CERS6: variants seen among roughly 807,000 people sequenced by gnomAD.
The protein encoded by CERS6 is LAG1 homolog, ceramide synthase 6.
Under a neutral mutation model 56.8 loss-of-function variants are expected in CERS6, and 26 were observed. The observed-to-expected ratio is 0.46, with a 90% CI of 0.34 to 0.63. The LOEUF is 0.63. Among genes scored for constraint, CERS6 ranks in the 30% least tolerant of loss-of-function variants. The pLI is 0.01. For missense variants in CERS6, 415 were observed against 467.5 expected, an observed-to-expected ratio of 0.89 and a Z score of 1.04; for synonymous variants, 164 against 173.3, an observed-to-expected ratio of 0.95 and a Z score of 0.42.
At chr2:168,543,212 C>G (rs1468711715) in intron 1 of CERS6, among the ~76,000 whole-genome samples, 1 of 152,136 alleles carries the variant, frequency 6.6e-6, no homozygotes, top group Non-Finnish European at 1.5e-5. Context: ...AAATATAGTA[C>G]ATGAAAGTAC....
rs576734784 is a variant in CERS6 at position 168,649,923 on chromosome 2, T to C, written c.465+18881T>C. ...GCCCCTCAAGGATGGTTCCTGGATA[T>C]CAATACTCTATAAATAGTTGAACTA... On this transcript the variant is annotated intron_variant, in intron 4 of 9. Transcript: ENST00000305747. Among the ~76,000 whole-genome samples the C allele has an allele frequency of 8.8e-4, 134 of 152,274 alleles. 2 individuals carry two copies. Among genetic ancestry groups the C allele is most frequent in the African/African-American group, 2.8e-3 (116 of 41,532 alleles).
chr2:168,465,259 A>G (rs1403149895), intron 1 of CERS6, among the ~76,000 whole-genome samples: 1 of 152,230 alleles, frequency 6.6e-6, no homozygotes. Context: ...ACAGTTTTGG[A>G]GGCTGGAGAG....
At chr2:168,620,354 C>G (rs2105283365) in intron 3 of CERS6, among the ~76,000 whole-genome samples, 1 of 152,048 alleles carries the variant, frequency 6.6e-6, no homozygotes, top group South Asian at 2.1e-4. Flanking sequence ...GCACCAAAGT[C>G]TCACAAATTA....
intron 8 of CERS6, among the ~76,000 whole-genome samples, chr2:168,732,350 A>G (rs551094809): frequency 5.3e-5 from 8 of 152,256 alleles, no homozygotes; most frequent in Admixed American, 4.6e-4. Flanking sequence ...AGTCCCTTGC[A>G]CCTGGTGCTG....
chr2:168,672,033 G>A (rs1407776391), intron 4 of CERS6, among the ~76,000 whole-genome samples: 1 of 152,196 alleles, frequency 6.6e-6, no homozygotes, highest in African/African-American at 2.4e-5. Flanking sequence ...CAAAGTTGAT[G>A]GAACAGTGTG....
At chr2:168,493,825 T>C (rs1256597900) in intron 1 of CERS6, among the ~76,000 whole-genome samples, 2 of 150,256 alleles carry the variant, frequency 1.3e-5, no homozygotes, top group Non-Finnish European at 3.0e-5. Context: ...CAGATTAATG[T>C]AATATATTAA....
At chr2:168,541,304 T>A (rs1487815962) in intron 1 of CERS6, among the ~76,000 whole-genome samples, 1 of 152,206 alleles carries the variant, frequency 6.6e-6, no homozygotes, top group African/African-American at 2.4e-5. Context: ...GCCCAGACTA[T>A]AACAGTATGT....
At chr2:168,649,725 C>G (rs977508026) in intron 4 of CERS6, among the ~76,000 whole-genome samples, 1 of 152,086 alleles carries the variant, frequency 6.6e-6, no homozygotes, top group Non-Finnish European at 1.5e-5. Flanking sequence ...TTACACAAGT[C>G]TTTGTTCACA....
At chr2:168,490,969 A>T (rs926371797) in intron 1 of CERS6, among the ~76,000 whole-genome samples, 3 of 152,122 alleles carry the variant, frequency 2.0e-5, no homozygotes, top group Non-Finnish European at 2.9e-5. Flanking sequence ...GTTTTGTGAG[A>T]TGTACTTTGT....
intron 4 of CERS6, among the ~76,000 whole-genome samples, chr2:168,663,593 T>A (rs1290532946): frequency 6.6e-6 from 1 of 152,164 alleles, no homozygotes; most frequent in African/African-American, 2.4e-5. Context: ...TTTTGAAAAC[T>A]AAAATTGGGT....
chr2:168,632,513 A>G lies in CERS6; in HGVS notation c.465+1471A>G, dbSNP rs575150422. On this transcript the variant is annotated intron_variant, in intron 4 of 9. Coordinates refer to ENST00000305747, the MANE Select transcript of CERS6 (RefSeq NM_203463.3). ...GCACTTATTTTCACTTAATAAGACC[A>G]TATGGCCCAGAGGCCATTTGAATCG... Among the ~76,000 whole-genome samples the G allele has an allele frequency of 7.6e-4, 115 of 152,298 alleles. 1 individual carries two copies. The highest frequency in any genetic ancestry group is 2.1e-3 in the African/African-American group (88 of 41,566).
intron 4 of CERS6, among the ~76,000 whole-genome samples, chr2:168,636,203 A>G (rs78102025): frequency 3.3e-5 from 5 of 152,304 alleles, no homozygotes; most frequent in African/African-American, 9.6e-5. Context: ...CCCATTTCAG[A>G]AAACAAAAAC....
intron 1 of CERS6, among the ~76,000 whole-genome samples, chr2:168,543,289 AT>A (rs1311433592): frequency 6.6e-6 from 1 of 152,150 alleles, no homozygotes; most frequent in Admixed American, 6.5e-5. Context: ...TTAGGTGAGC[AT>A]TTCCTTATAG....
intron 1 of CERS6, among the ~76,000 whole-genome samples, chr2:168,481,599 C>G (rs940632579): frequency 6.6e-6 from 1 of 152,186 alleles, no homozygotes; most frequent in African/African-American, 2.4e-5. Context: ...ATTCCTGACC[C>G]GTCTTCATTA....
chr2:168,587,723 A>G (rs1338161547), intron 3 of CERS6, among the ~76,000 whole-genome samples: 1 of 151,766 alleles, frequency 6.6e-6, no homozygotes, highest in Non-Finnish European at 1.5e-5. Flanking sequence ...ATGTAATACA[A>G]TTAACATATT....
chr2:168,701,662 C>G (rs936280186), intron 6 of CERS6, among the ~76,000 whole-genome samples: 1 of 152,058 alleles, frequency 6.6e-6, no homozygotes. Context: ...CACCAACCCC[C>G]GCCCCCGAGG....
chr2:168,479,629 A>C (rs557283570), intron 1 of CERS6, among the ~76,000 whole-genome samples: 1 of 152,164 alleles, frequency 6.6e-6, no homozygotes, highest in Non-Finnish European at 1.5e-5. Context: ...GTTTTTTGAG[A>C]CAGAGTTTTG....
intron 1 of CERS6, among the ~76,000 whole-genome samples, chr2:168,544,443 G>T (rs1434143042): frequency 1.3e-5 from 2 of 152,188 alleles, no homozygotes; most frequent in Non-Finnish European, 2.9e-5. Context: ...TGTGCACAGG[G>T]CTCTGGAGAT....
intron 1 of CERS6, among the ~76,000 whole-genome samples, chr2:168,470,441 C>T (rs907140938): frequency 6.6e-6 from 1 of 152,050 alleles, no homozygotes; most frequent in Admixed American, 6.6e-5. Context: ...CCCCCACTGT[C>T]CCTGTGCCAC....
Sources: gnomAD v4.1 joint callset for allele counts (sites outside exome capture counted in the v4.1 genomes callset) on GRCh38, gnomAD v4.1.1 for gene constraint, MANE v1.5 for transcripts, NCBI Gene and HGNC (gene_info 2026-07-23, HGNC 2026-07-21) for gene names.